The following GRM7 variants were observed in gnomAD, a reference collection of about 807,000 sequenced individuals.
GRM7 encodes the protein glutamate metabotropic receptor 7, also known as metabotropic glutamate receptor 7.
GRM7 carries 35 observed loss-of-function variants against 84.5 expected under a neutral mutation model. That is an observed-to-expected ratio of 0.41 (90% CI 0.32 to 0.55). The LOEUF (loss-of-function observed/expected upper bound fraction) is 0.55. Among genes scored for constraint, GRM7 ranks in the 20% least tolerant of loss-of-function variants. The probability of loss-of-function intolerance (pLI) is 0.19; values close to 1 mark genes in which losing one functional copy is unlikely to be tolerated. For missense variants in GRM7, 1,003 were observed against 1,194.6 expected (o/e 0.84, Z 2.36); for synonymous variants, 487 against 455.1 (o/e 1.07, Z -0.89).
chr3:7,590,326 C>T (rs942777771), intron 8 of GRM7, among the ~76,000 whole-genome samples: 1 of 152,114 alleles, frequency 6.6e-6, no homozygotes, highest in Non-Finnish European at 1.5e-5. Flanking sequence ...TCACAAAATA[C>T]AGCCCATGGA....
rs1696270217 is a variant in GRM7, at chr3:7,600,757, G to A, written c.2451+21400G>A. On this transcript the variant is annotated intron_variant, in intron 8 of 9. Transcript: ENST00000357716. ...TAATTGAGTGTACAGCATCTCTGGGGAAATTTATGTTTAACTGAATTGATG... is the reference window on the plus strand; with the variant it reads ...TAATTGAGTGTACAGCATCTCTGGGAAAATTTATGTTTAACTGAATTGATG... Among the ~76,000 whole-genome samples, 3 of 152,104 alleles carry A rather than the reference G, an allele frequency of 2.0e-5. No individual in the cohort carries two copies. The South Asian group carries it at 6.2e-4, about 32-fold the overall frequency.
intron 1 of GRM7, among the ~76,000 whole-genome samples, chr3:7,043,944 A>C (rs941094412): frequency 2.0e-5 from 3 of 152,190 alleles, no homozygotes; most frequent in African/African-American, 7.2e-5. Context: ...TCTCCTGAGT[A>C]GCTGGGAATA....
At chr3:7,193,598 A>G (rs928038658) in intron 2 of GRM7, among the ~76,000 whole-genome samples, 1 of 152,080 alleles carries the variant, frequency 6.6e-6, no homozygotes. Flanking sequence ...CACATCCTTT[A>G]AAACATCTAT....
intron 2 of GRM7, among the ~76,000 whole-genome samples, chr3:7,247,576 A>G (rs1697814900): frequency 6.7e-6 from 1 of 149,124 alleles, no homozygotes; most frequent in Non-Finnish European, 1.5e-5. Flanking sequence ...CCTGGGTAAT[A>G]GAATGAGACA....
intron 2 of GRM7, among the ~76,000 whole-genome samples, chr3:7,265,080 G>C (rs1055129347): frequency 6.6e-6 from 1 of 152,210 alleles, no homozygotes; most frequent in African/African-American, 2.4e-5. Flanking sequence ...TGCAAAGAGG[G>C]CAGCTAGATT....
At chr3:7,162,729 ATTTTTTTTTTTTTTTTTTT>A (rs71063284) in intron 2 of GRM7, among the ~76,000 whole-genome samples, 73 of 54,700 alleles carry the variant, frequency 1.3e-3, no homozygotes, top group African/African-American at 1.9e-3. Flanking sequence ...CCCATTTTTC[ATTTTTTTTTTTTTTTTTTT>A]TTTTTTTTTT....
chr3:7,521,852 G>A (rs1041609304), intron 7 of GRM7, among the ~76,000 whole-genome samples: 1 of 152,116 alleles, frequency 6.6e-6, no homozygotes, highest in Non-Finnish European at 1.5e-5. Flanking sequence ...CCACTTTTCT[G>A]CATGCAAAAT....
intron 1 of GRM7, among the ~76,000 whole-genome samples, chr3:6,932,433 G>A (rs769505544): frequency 6.6e-6 from 1 of 152,074 alleles, no homozygotes; most frequent in African/African-American, 2.4e-5. Flanking sequence ...GCAAAAAATG[G>A]CCCAAGCATT....
chr3:7,485,709 C>T (rs748530694), intron 7 of GRM7, among the ~76,000 whole-genome samples: 4 of 152,112 alleles, frequency 2.6e-5, no homozygotes, highest in Non-Finnish European at 4.4e-5. Flanking sequence ...CCTTGTTTTC[C>T]CAGAGGGCCT....
chr3:7,550,352 C>G lies in GRM7; in HGVS notation c.1516-28070C>G, dbSNP rs565685100. Among the ~76,000 whole-genome samples the G allele has an allele frequency of 3.7e-3, 510 of 137,430 alleles. 6 individuals carry two copies. Among genetic ancestry groups the G allele is most frequent in the Middle Eastern group, 0.02 (5 of 256 alleles). 90.2% of individuals were successfully genotyped at this position (137,430 alleles called of 152,430 possible). A position where few individuals can be genotyped will look rare whatever the true frequency, so the allele number is the denominator to read the frequency against. ...CCTTTCACCTTCCCTCCTCCCTTCT[C>G]CCTCCCTCCTTCCTTCCTTTCTCTC... On this transcript the variant is annotated intron_variant, in intron 7 of 9. Transcript: ENST00000357716.
chr3:7,636,515 T>G (rs925253901), intron 8 of GRM7: 2 of 261,172 alleles, frequency 7.7e-6, no homozygotes, highest in African/African-American at 4.4e-5. Flanking sequence ...GAGAGTTCTA[T>G]TAGTCTACAT....
chr3:7,119,930 T>C (rs1693164009), intron 1 of GRM7, among the ~76,000 whole-genome samples: 1 of 152,142 alleles, frequency 6.6e-6, no homozygotes, highest in Admixed American at 6.6e-5. Context: ...TTTGTCTTGC[T>C]TTGATTTAAT....
rs12635626 is a variant in GRM7, at chr3:7,648,456, G to C, written c.2452-31593G>C. 1.4e-3 allele frequency among the ~76,000 whole-genome samples: 210 copies of C among 151,928 alleles called. 5 individuals carry two copies. In the East Asian group the frequency reaches 0.035, roughly 25 times the overall value. On this transcript the variant is annotated intron_variant, in intron 8 of 9. Transcript: ENST00000357716. Reference sequence around the variant, plus strand: ...GAGGTCAGGAGTTCGAGACCAGCCTGGCCAACATAGTAAAACCCCATCTCT... The same window carrying C: ...GAGGTCAGGAGTTCGAGACCAGCCTCGCCAACATAGTAAAACCCCATCTCT...
At chr3:6,891,928 A>G (rs947250110) in intron 1 of GRM7, among the ~76,000 whole-genome samples, 2 of 151,978 alleles carry the variant, frequency 1.3e-5, no homozygotes, top group African/African-American at 4.8e-5. Flanking sequence ...TGCTTTGTTC[A>G]TTTCTTTTTA....
intron 1 of GRM7, among the ~76,000 whole-genome samples, chr3:6,933,151 G>A (rs1469852094): frequency 6.6e-6 from 1 of 152,178 alleles, no homozygotes; most frequent in Non-Finnish European, 1.5e-5. Context: ...AAATAAGGTG[G>A]AGTTTAATAA....
At chr3:7,418,884 C>A (rs1575308966) in intron 5 of GRM7, among the ~76,000 whole-genome samples, 1 of 152,264 alleles carries the variant, frequency 6.6e-6, no homozygotes, top group East Asian at 1.9e-4. Flanking sequence ...GCTTGGATAA[C>A]ATGTTTTTAA....
chr3:7,690,306 A>C (rs1371544811), intron 9 of GRM7, among the ~76,000 whole-genome samples: 1 of 152,182 alleles, frequency 6.6e-6, no homozygotes, highest in Non-Finnish European at 1.5e-5. Context: ...TGAGTAGCGC[A>C]CAATACTTCC....
intron 5 of GRM7, among the ~76,000 whole-genome samples, chr3:7,447,914 A>C (rs1377069524): frequency 2.4e-5 from 2 of 84,282 alleles, no homozygotes; most frequent in Non-Finnish European, 2.2e-5. Context: ...CCCACCCCAC[A>C]ACAGTCCCCG....
At chr3:7,652,366 A>G (rs1698983634) in intron 8 of GRM7, among the ~76,000 whole-genome samples, 1 of 152,196 alleles carries the variant, frequency 6.6e-6, no homozygotes, top group Non-Finnish European at 1.5e-5. Flanking sequence ...AGAAGGAAAG[A>G]GAGGGCCACT....
Sources: allele counts gnomAD v4.1 joint callset (sites outside exome capture counted in the v4.1 genomes callset), GRCh38; gene constraint gnomAD v4.1.1; transcripts MANE v1.5; gene names NCBI Gene and HGNC (gene_info 2026-07-23, HGNC 2026-07-21).